PAN2: variants seen among roughly 807,000 people sequenced by gnomAD.
PAN2 encodes the protein PAN2-PAN3 deadenylation complex catalytic subunit PAN2.
PAN2 carries 68 observed loss-of-function variants against 133.3 expected under a neutral mutation model. The ratio of observed to expected loss-of-function variants is 0.51; its 90% CI spans 0.42 to 0.62. The LOEUF (loss-of-function observed/expected upper bound fraction) is 0.62. PAN2 is among the 20% of genes least tolerant of loss of function. The probability of loss-of-function intolerance (pLI) is 0.00; values close to 1 mark genes in which losing one functional copy is unlikely to be tolerated. For synonymous variants in PAN2, 462 were observed against 544.6 expected (o/e 0.85, Z 2.11); for missense variants, 1,042 against 1,500.5 (o/e 0.69, Z 5.05).
chr12:56,327,060 C>A (rs940315307), intron 6 of PAN2, 101 bp from the exon 7 acceptor site: 16 of 1,013,742 alleles, frequency 1.6e-5, no homozygotes, highest in South Asian at 3.2e-5. Flanking sequence ...ACAAGATGGG[C>A]CCCAAATCCA....
chr12:56,327,643 A>T lies in PAN2; in HGVS notation c.652-12T>A. The T allele has an allele frequency of 6.2e-7, 1 of 1,611,038 alleles. No individual in the cohort carries two copies. The highest frequency in any genetic ancestry group is 8.5e-7 in the Non-Finnish European group (1 of 1,177,998). On this transcript the variant is annotated splice_polypyrimidine_tract_variant and intron_variant, in intron 5 of 25. Coordinates refer to ENST00000440411, the MANE Select transcript of PAN2 (RefSeq NM_014871.6). ...TCTCTCAGGGAAACCTAGAAAAAAAAAATTCAGTTATCTGCAAATTCTGTT... is the reference window on the plus strand; with the variant it reads ...TCTCTCAGGGAAACCTAGAAAAAAATAATTCAGTTATCTGCAAATTCTGTT...
chr12:56,323,729 G>C, intron 14 of PAN2, 78 bp downstream of exon 14: 1 of 1,431,782 alleles, frequency 7.0e-7, no homozygotes, highest in Non-Finnish European at 9.8e-7. Context: ...AGTGCTGACA[G>C]AGCCAGCCCC....
intron 2 of PAN2, among the ~76,000 whole-genome samples, chr12:56,331,423 C>CCTTT (rs1405596836): frequency 2.6e-5 from 4 of 152,166 alleles, no homozygotes; most frequent in African/African-American, 9.7e-5. Context: ...TCCTCGATGC[C>CCTTT]CTTTCTGACT....
chr12:56,327,052 A>G (rs1875198121), intron 6 of PAN2, 93 bp from the exon 7 acceptor site: 3 of 1,084,754 alleles, frequency 2.8e-6, no homozygotes, highest in Admixed American at 2.4e-5. Context: ...ATTTCAGGAC[A>G]AGATGGGCCC....
intron 2 of PAN2, among the ~76,000 whole-genome samples, chr12:56,329,046 C>T (rs2695782): frequency 0.8 from 122,147 of 152,064 alleles, 52,350 homozygotes; most frequent in South Asian, 0.98. Context: ...TTTTCTATAA[C>T]GGATTTAGGC....
In PAN2 at chr12:56,320,036, G is replaced by A. The variant is rs778935054; in HGVS notation, c.2789-15C>T. On this transcript the variant is annotated splice_polypyrimidine_tract_variant and intron_variant, in intron 20 of 25. Coordinates refer to ENST00000440411, the MANE Select transcript of PAN2 (RefSeq NM_014871.6). The stretch of plus-strand genomic sequence containing the variant: ...AGGGTTCTTGACTAGAAGGGAGAAT[G>A]CAGAGGACACAGGGCTTGGATAGGG... 5.6e-6 allele frequency: 9 copies of A among 1,613,792 alleles called. No individual in the cohort carries two copies. In the Admixed American group the frequency reaches 1.5e-4, roughly 27 times the overall value.
chr12:56,332,752 G>A, intron 2 of PAN2, 61 bp downstream of exon 2: 1 of 1,556,318 alleles, frequency 6.4e-7, no homozygotes, highest in Non-Finnish European at 8.8e-7. Flanking sequence ...GCTTCCTTGG[G>A]TTAAGACCAG....
chr12:56,330,594 C>T (rs1486264640), intron 2 of PAN2, among the ~76,000 whole-genome samples: 68 of 151,662 alleles, frequency 4.5e-4, no homozygotes, highest in African/African-American at 1.4e-3. Flanking sequence ...CTCCTGACCT[C>T]GTGATCCGCC....
In PAN2 at chr12:56,324,489, T is replaced by G; in HGVS notation, c.1733A>C (p.Asn578Thr). The change falls in exon 12 of 26, where the codon AAT (asparagine) becomes ACT (threonine). Residue 578 changes from asparagine to threonine, a missense_variant. By Grantham distance (65) the Asn-to-Thr change is moderately conservative. This residue lies in a region of PAN2 where 908 missense variants were observed against 1,223.5 expected (regional missense o/e 0.74). Transcript: ENST00000440411. ...DLSRGDPCQG[N>T]NFLRAFRTIP... is the part of the protein sequence containing the mutation. ...AGTACGGAATGCCCGAAGAAAATTA[T>G]TGCCCTGGAAATGTGTTGGTGGAAA... 6.2e-7 allele frequency: 1 copy of G among 1,613,372 alleles called. No homozygotes were observed. Among genetic ancestry groups the G allele is most frequent in the Non-Finnish European group, 8.5e-7 (1 of 1,179,382 alleles).
chr12:56,325,665 T>C (rs917672764), intron 8 of PAN2, among the ~76,000 whole-genome samples: 6 of 152,250 alleles, frequency 3.9e-5, no homozygotes, highest in Non-Finnish European at 5.9e-5. Flanking sequence ...GGTCTCCCTA[T>C]GTTCACTCTG....
Position 56,320,029 on chromosome 12 carries a change from G to A in PAN2, c.2789-8C>T, listed in dbSNP as rs756579007. ...CCTCAATAGGGTTCTTGACTAGAAG[G>A]GAGAATGCAGAGGACACAGGGCTTG... is the stretch of plus-strand genomic sequence containing the variant. On this transcript the variant is annotated splice_region_variant and splice_polypyrimidine_tract_variant and intron_variant, in intron 20 of 25. Coordinates refer to ENST00000440411, the MANE Select transcript of PAN2 (RefSeq NM_014871.6). 3 of 1,614,108 alleles carry A rather than the reference G, an allele frequency of 1.9e-6. No homozygotes were observed. The highest frequency in any genetic ancestry group is 1.1e-5 in the South Asian group (1 of 91,074).
chr12:56,327,635 G>GAA lies in PAN2; in HGVS notation c.652-6_652-5dup. On this transcript the variant is annotated splice_region_variant and splice_polypyrimidine_tract_variant and intron_variant, in intron 5 of 25. Coordinates refer to ENST00000440411, the MANE Select transcript of PAN2 (RefSeq NM_014871.6). ...TACGGAGGTCTCTCAGGGAAACCTA[G>GAA]AAAAAAAAAATTCAGTTATCTGCAA... is the stretch of plus-strand genomic sequence containing the variant. 3 of 1,555,544 alleles carry GAA rather than the reference G, an allele frequency of 1.9e-6. No individual in the cohort carries two copies. In the African/African-American group the frequency reaches 4.2e-5, roughly 22 times the overall value.
In PAN2 at chr12:56,319,268, C is replaced by T; in HGVS notation, c.3270+40G>A. 6.2e-7 allele frequency: 1 copy of T among 1,611,524 alleles called. No homozygotes were observed. The highest frequency in any genetic ancestry group is 8.5e-7 in the Non-Finnish European group (1 of 1,178,486). ...AGGCACAATGTATACCCTGAGGGGCCCACTCTCACAAGAAGACTCTTAAAA... is the reference window on the plus strand; with the variant it reads ...AGGCACAATGTATACCCTGAGGGGCTCACTCTCACAAGAAGACTCTTAAAA... On this transcript the variant is annotated intron_variant, in intron 23 of 25. Coordinates refer to ENST00000440411, the MANE Select transcript of PAN2 (RefSeq NM_014871.6). This position sits in a 1 kb window ranked among gnomAD's most constrained non-coding sequence, Gnocchi z 5.4.
Position 56,333,210 on chromosome 12 carries a change from T to A in PAN2, c.-114-2A>T. The A allele has an allele frequency of 9.1e-7, 1 of 1,099,946 alleles. No homozygotes were observed. Among genetic ancestry groups the A allele is most frequent in the South Asian group, 1.5e-5 (1 of 67,664 alleles). The allele number at this position is 1,099,946 out of a possible 1,614,324, so 68.1% of individuals were successfully genotyped here. On this transcript the variant is annotated splice_acceptor_variant, in intron 1 of 25. Coordinates refer to ENST00000440411, the MANE Select transcript of PAN2 (RefSeq NM_014871.6). LOFTEE classifies it low-confidence loss of function (5UTR_SPLICE). The stretch of plus-strand genomic sequence containing the variant: ...TGGGCCTAGAATGGACATCCTGGCC[T>A]GTAAGGGGAAAGAGGTAGCTGAGTC...
intron 2 of PAN2, among the ~76,000 whole-genome samples, chr12:56,329,325 A>T (rs1021804874): frequency 1.3e-5 from 2 of 151,944 alleles, no homozygotes; most frequent in African/African-American, 4.8e-5. Context: ...AGGATTTTTT[A>T]AAATTTTTAT....
Position 56,319,399 on chromosome 12 carries a change from G to T in PAN2, c.3179C>A (p.Ser1060Tyr). ...GAGAAAACGAAGCTTTAAGTAGGTA[G>T]ACTTGAGAGTTGTTAGGTGCTTGGA... The part of the protein sequence containing the change: ...ISSKHLTTLK[S>Y]TYLKLRFLID... Residue 1060 changes from serine (S) to tyrosine (Y), a missense_variant, in exon 23 of 26, where the codon TCT becomes TAT. This residue lies in a region of PAN2 where 49 missense variants were observed against 160.5 expected (regional missense o/e 0.31). Coordinates refer to ENST00000440411, the MANE Select transcript of PAN2 (RefSeq NM_014871.6). The surrounding 1 kb of genome is among the most constrained non-coding windows in gnomAD (Gnocchi z 5.4). 6.2e-7 allele frequency: 1 copy of T among 1,614,170 alleles called. No homozygotes were observed. The highest frequency in any genetic ancestry group is 1.1e-5 in the South Asian group (1 of 91,060).
At position 56,327,355 on chromosome 12, in the gene PAN2, C is replaced by T. The variant is rs369181273; in HGVS notation, c.919+9G>A. On this transcript the variant is annotated intron_variant, in intron 6 of 25. Transcript: ENST00000440411. ...ATCCCTCCTACCCAATCCCATATGC[C>T]CTTCATACCTGACTGAGAGATGATA... is the stretch of plus-strand genomic sequence containing the variant. 3 of 1,613,574 alleles carry T rather than the reference C, an allele frequency of 1.9e-6. No homozygotes were observed. In the African/African-American group the frequency reaches 4.0e-5, roughly 22 times the overall value.
chr12:56,323,783 A>T (rs1213942705), intron 14 of PAN2, 24 bp downstream of exon 14: 2 of 1,532,336 alleles, frequency 1.3e-6, no homozygotes, highest in Non-Finnish European at 1.8e-6. Context: ...CCAGGACTCT[A>T]GTCCAGTCCA....
In PAN2 at chr12:56,324,302, A is replaced by C; in HGVS notation, c.1920T>G (p.Ala640=). 6.2e-7 allele frequency: 1 copy of C among 1,613,656 alleles called. No individual in the cohort carries two copies. The highest frequency in any genetic ancestry group is 8.5e-7 in the Non-Finnish European group (1 of 1,180,024). The change falls in exon 12 of 26, where the codon GCT becomes GCG. Residue 640 remains alanine (A), a synonymous_variant. Transcript: ENST00000440411. ...CTATCCTGATTTCATACCTGCCTCCAGCACCTCGATAAGCCTGTGGTATTT... is the reference window on the plus strand; with the variant it reads ...CTATCCTGATTTCATACCTGCCTCCCGCACCTCGATAAGCCTGTGGTATTT... ...ELEIPQAYRG[A]GGSSFCSSGD... is the part of the protein sequence containing the mutation.
Sources: gnomAD v4.1 joint callset for allele counts (sites outside exome capture counted in the v4.1 genomes callset) on GRCh38, gnomAD v4.1.1 for gene constraint, gnomAD v4.1.1 regional missense constraint, Gnocchi (gnomAD v3.1) non-coding constraint, MANE v1.5 for transcripts, NCBI Gene and HGNC (gene_info 2026-07-23, HGNC 2026-07-21) for gene names.